ADGRL2: variants seen among roughly 807,000 people sequenced by gnomAD.
ADGRL2 encodes calcium-independent alpha-latrotoxin receptor 2.
Under a neutral mutation model 157.4 loss-of-function variants are expected in ADGRL2, and 44 were observed. The ratio of observed to expected loss-of-function variants is 0.28; its 90% confidence interval spans 0.22 to 0.36. The LOEUF (loss-of-function observed/expected upper bound fraction) is 0.36, where lower values mean the gene tolerates loss of function less well. Ranked by LOEUF, ADGRL2 falls within the 10% of genes least tolerant of loss-of-function variation. The pLI is 1.00. For missense variants in ADGRL2, 1,510 were observed against 1,768.9 expected (o/e 0.85, Z 2.63); for synonymous variants, 585 against 624.7 (o/e 0.94, Z 0.95).
chr1:81,955,796 C>T (rs2149134918), intron 10 of ADGRL2, 81 bp from the exon 11 acceptor site: 3 of 794,782 alleles, frequency 3.8e-6, no homozygotes, highest in South Asian at 2.0e-5. Flanking sequence ...ATAAATATTA[C>T]AATTGTCACT....
intron 3 of ADGRL2, among the ~76,000 whole-genome samples, chr1:81,931,157 C>T (rs951604120): frequency 2.6e-5 from 4 of 151,744 alleles, no homozygotes; most frequent in African/African-American, 9.7e-5. Flanking sequence ...TCAAAAAAAC[C>T]AAAAAACAAA....
chr1:81,606,496 T>TGC (rs1491319780), intron 3 of ADGRL2, among the ~76,000 whole-genome samples: 1 of 63,360 alleles, frequency 1.6e-5, no homozygotes, highest in Non-Finnish European at 3.2e-5. Context: ...TTCATGCACA[T>TGC]GCACACACAC....
rs59842382 is a variant in ADGRL2 at position 81,528,646 on chromosome 1, CAAAA to C, written c.-247-52204_-247-52201del. On this transcript the variant is annotated intron_variant, in intron 2 of 24. Coordinates refer to the ADGRL2 transcript ENST00000370721. ...TGGGCAAAAAAGTGAGACTCCATCT[CAAAA>C]AAAAAAAAAAAAAAAAAAAAAAAAA... is the stretch of plus-strand genomic sequence containing the variant. 2.1e-4 allele frequency among the ~76,000 whole-genome samples: 24 copies of C among 114,654 alleles called. No individual in the cohort carries two copies. The East Asian group carries it at 2.8e-3, about 13-fold the overall frequency. The allele number at this position is 114,654 out of a possible 152,430, so 75.2% of individuals were successfully genotyped here.
chr1:81,719,350 T>G (rs1029047648), intron 1 of ADGRL2, among the ~76,000 whole-genome samples: 1 of 152,220 alleles, frequency 6.6e-6, no homozygotes, highest in Non-Finnish European at 1.5e-5. Flanking sequence ...AATTAAAGCT[T>G]CCTACAGACT....
intron 19 of ADGRL2, among the ~76,000 whole-genome samples, chr1:81,984,101 C>T (rs1188007739): frequency 6.6e-6 from 1 of 151,982 alleles, no homozygotes; most frequent in Non-Finnish European, 1.5e-5. Flanking sequence ...ACCCGCAGAA[C>T]TATGCAATCC....
intron 1 of ADGRL2, among the ~76,000 whole-genome samples, chr1:81,344,569 G>A (rs1442251111): frequency 2.0e-5 from 3 of 151,042 alleles, no homozygotes; most frequent in South Asian, 4.2e-4. Flanking sequence ...AGGAGGCTGA[G>A]GCAGGAGAAT....
chr1:81,588,918 C>T (rs1046799442), intron 3 of ADGRL2, among the ~76,000 whole-genome samples: 4 of 152,240 alleles, frequency 2.6e-5, no homozygotes, highest in Non-Finnish European at 4.4e-5. Flanking sequence ...TTTCCTAGAT[C>T]CCCTAGGTGG....
At chr1:81,747,007 C>A (rs1393811549) in intron 1 of ADGRL2, among the ~76,000 whole-genome samples, 1 of 138,438 alleles carries the variant, frequency 7.2e-6, no homozygotes, top group Non-Finnish European at 1.6e-5. Flanking sequence ...TACGTGTATA[C>A]ACACGTATGT....
intron 1 of ADGRL2, among the ~76,000 whole-genome samples, chr1:81,313,837 A>AT (rs1659923151): frequency 1.3e-5 from 2 of 151,800 alleles, no homozygotes; most frequent in African/African-American, 2.4e-5. Context: ...ACTGCCATTG[A>AT]TTTTTTTCTG....
intron 2 of ADGRL2, among the ~76,000 whole-genome samples, chr1:81,888,079 G>A (rs189795217): frequency 6.6e-6 from 1 of 152,188 alleles, no homozygotes; most frequent in African/African-American, 2.4e-5. Flanking sequence ...CATTCAGCCT[G>A]CTAGGATTAG....
chr1:81,408,946 G>T (rs2076903844), intron 1 of ADGRL2, among the ~76,000 whole-genome samples: 1 of 152,184 alleles, frequency 6.6e-6, no homozygotes, highest in Admixed American at 6.5e-5. Flanking sequence ...GAGATGTGTG[G>T]ACTTAAACTG....
chr1:81,335,856 C>T (rs1005292044), intron 1 of ADGRL2, among the ~76,000 whole-genome samples: 18 of 150,612 alleles, frequency 1.2e-4, no homozygotes, highest in Admixed American at 1.2e-3. Flanking sequence ...AAACAAAAAA[C>T]AAAAAACAAA....
At position 81,891,104 on chromosome 1, in the gene ADGRL2, A is replaced by G. The variant is rs184050621; in HGVS notation, c.74-15913A>G. Among the ~76,000 whole-genome samples, 97 of 152,006 alleles carry G rather than the reference A, an allele frequency of 6.4e-4. 2 individuals are homozygous for G. Among genetic ancestry groups the G allele is most frequent in the African/African-American group, 2.3e-3 (95 of 41,510 alleles). ...TCCCCCCATGCATGTATATAGAAGT[A>G]TAATTTTAGTCTTTTACATACTTTT... is the stretch of plus-strand genomic sequence containing the variant. On this transcript the variant is annotated intron_variant, in intron 2 of 23. Transcript: ENST00000686636.
At chr1:81,552,910 C>T (rs2080186170) in intron 2 of ADGRL2, among the ~76,000 whole-genome samples, 1 of 152,070 alleles carries the variant, frequency 6.6e-6, no homozygotes, top group Non-Finnish European at 1.5e-5. Flanking sequence ...GCCACTTTTT[C>T]CCCCAGTGTG....
intron 1 of ADGRL2, among the ~76,000 whole-genome samples, chr1:81,824,349 A>G (rs555493825): frequency 6.6e-6 from 1 of 152,218 alleles, no homozygotes; most frequent in Admixed American, 6.5e-5. Context: ...ATCATAGCTC[A>G]CTGTAGCGTG....
At chr1:81,809,422 AAAAG>A (rs1209994213) in intron 1 of ADGRL2, among the ~76,000 whole-genome samples, 1 of 152,046 alleles carries the variant, frequency 6.6e-6, no homozygotes, top group Non-Finnish European at 1.5e-5. Context: ...ATCTGATAAA[AAAAG>A]AGATGGAGAT....
At chr1:81,596,106 T>C in intron 3 of ADGRL2, 1 of 373,986 alleles carries the variant, frequency 2.7e-6, no homozygotes, top group Non-Finnish European at 5.1e-6. Flanking sequence ...TAGGATCTTT[T>C]TTTTTTTTTT....
intron 1 of ADGRL2, among the ~76,000 whole-genome samples, chr1:81,371,351 A>G (rs947418793): frequency 6.6e-6 from 1 of 152,208 alleles, no homozygotes; most frequent in African/African-American, 2.4e-5. Context: ...GGGAGCTGGA[A>G]AAAGACAACT....
At chr1:81,911,077 C>T (rs2094709860) in intron 3 of ADGRL2, among the ~76,000 whole-genome samples, 1 of 152,050 alleles carries the variant, frequency 6.6e-6, no homozygotes, top group African/African-American at 2.4e-5. Flanking sequence ...TAAATAAATA[C>T]ACTTGTAATT....
Sources: gnomAD v4.1 joint callset for allele counts (sites outside exome capture counted in the v4.1 genomes callset) on GRCh38, gnomAD v4.1.1 for gene constraint, MANE v1.5 for transcripts, NCBI Gene and HGNC (gene_info 2026-07-23, HGNC 2026-07-21) for gene names.